CACNA1C: variants seen among roughly 807,000 people sequenced by gnomAD.
CACNA1C encodes the protein calcium voltage-gated channel subunit alpha1 C, also known as voltage-dependent L-type calcium channel subunit alpha-1C.
A neutral mutation model predicts 229.0 loss-of-function variants in CACNA1C; 30 were observed. The ratio of observed to expected loss-of-function variants is 0.13; its 90% CI spans 0.10 to 0.18. CACNA1C has a LOEUF of 0.18. CACNA1C is among the 10% of genes least tolerant of loss of function. The pLI is 1.00. For synonymous variants in CACNA1C, 1,114 were observed against 1,132.5 expected (o/e 0.98, Z 0.33); for missense variants, 1,658 against 2,845.0 (o/e 0.58, Z 9.49).
intron 3 of CACNA1C, among the ~76,000 whole-genome samples, chr12:2,139,562 G>A (rs1220147610): frequency 1.3e-5 from 2 of 151,098 alleles, no homozygotes; most frequent in Non-Finnish European, 3.0e-5. Context: ...AGGAAGGTGT[G>A]CTTCAGTGTG....
At chr12:2,674,750 G>GACTT (rs2096719099) in intron 39 of CACNA1C, 108 bp downstream of exon 39, 4 of 1,087,948 alleles carry the variant, frequency 3.7e-6, no homozygotes, top group Non-Finnish European at 5.3e-6. Context: ...CATCCCCTGA[G>GACTT]ACTTGCTTCT....
intron 9 of CACNA1C, among the ~76,000 whole-genome samples, chr12:2,521,449 A>G (rs1380246374): frequency 6.6e-6 from 1 of 152,202 alleles, no homozygotes; most frequent in African/African-American, 2.4e-5. Context: ...TTGAACTGCC[A>G]GGCACACTGG....
chr12:2,255,675 G>C (rs2154395081), intron 3 of CACNA1C, among the ~76,000 whole-genome samples: 2 of 152,342 alleles, frequency 1.3e-5, no homozygotes, highest in Middle Eastern at 6.8e-3. Context: ...TGGAAGGAAG[G>C]GCAGTGTTTA....
chr12:2,572,471 TC>T, intron 13 of CACNA1C, among the ~76,000 whole-genome samples: 1 of 65,920 alleles, frequency 1.5e-5, no homozygotes, highest in East Asian at 7.4e-4. Flanking sequence ...CTCCTCTTCC[TC>T]CTTCTCCTCT....
chr12:2,035,162 G>T (rs998841764), intron 1 of CACNA1C, among the ~76,000 whole-genome samples: 1 of 152,190 alleles, frequency 6.6e-6, no homozygotes. Context: ...GGCCCTCCGC[G>T]GGGCGCCGGC....
At chr12:2,119,828 A>C (rs533160403) in intron 2 of CACNA1C, among the ~76,000 whole-genome samples, 1 of 152,388 alleles carries the variant, frequency 6.6e-6, no homozygotes, top group Non-Finnish European at 1.5e-5. Context: ...TCTTAACCTT[A>C]GTTTAAAAGA....
intron 1 of CACNA1C, among the ~76,000 whole-genome samples, chr12:2,091,999 C>T (rs2071349630): frequency 6.6e-6 from 1 of 152,150 alleles, no homozygotes; most frequent in South Asian, 2.1e-4. Flanking sequence ...AGGTCCCTCT[C>T]GCTCTGCCAT....
rs115770100 is a variant in CACNA1C at position 2,435,438 on chromosome 12, T to C, written c.478-13538T>C. Among the ~76,000 whole-genome samples, 928 of 152,326 alleles carry C rather than the reference T, an allele frequency of 6.1e-3. 4 individuals are homozygous for C. The highest frequency in any genetic ancestry group is 0.021 in the African/African-American group (858 of 41,580). ...CCTGCCCTTTGTAACTGCAGTCCTT[T>C]GTCCCAGTGCTCTCAGGGTGGGCCC... On this transcript the variant is annotated intron_variant, in intron 3 of 46. Transcript: ENST00000399655.
intron 3 of CACNA1C, among the ~76,000 whole-genome samples, chr12:2,143,903 C>T (rs1230017631): frequency 6.6e-6 from 1 of 150,670 alleles, no homozygotes; most frequent in Admixed American, 6.7e-5. Flanking sequence ...CCTCTCTCCA[C>T]CTCACCCCAA....
intron 1 of CACNA1C, among the ~76,000 whole-genome samples, chr12:2,006,394 C>T (rs929753447): frequency 5.9e-5 from 9 of 151,618 alleles, no homozygotes; most frequent in African/African-American, 1.9e-4. Flanking sequence ...GGTGATAGAG[C>T]GAGACTCCAT....
chr12:2,672,801 T>G (rs1244341319), intron 38 of CACNA1C, among the ~76,000 whole-genome samples: 1 of 152,224 alleles, frequency 6.6e-6, no homozygotes, highest in Non-Finnish European at 1.5e-5. Context: ...GGGAGGACAC[T>G]ATTCAGCCCA....
intron 30 of CACNA1C, among the ~76,000 whole-genome samples, chr12:2,635,281 TC>T (rs1300490497): frequency 6.6e-6 from 1 of 152,192 alleles, no homozygotes; most frequent in Admixed American, 6.5e-5. Flanking sequence ...CCTATACAGT[TC>T]CTACCAGTTC....
intron 5 of CACNA1C, among the ~76,000 whole-genome samples, chr12:2,464,355 C>T (rs540152549): frequency 7.9e-5 from 12 of 152,112 alleles, no homozygotes; most frequent in East Asian, 3.9e-4. Flanking sequence ...AAGGACCATC[C>T]GGTTTTAGAT....
chr12:2,175,243 G>A (rs1368244902), intron 3 of CACNA1C, among the ~76,000 whole-genome samples: 3 of 152,110 alleles, frequency 2.0e-5, no homozygotes, highest in African/African-American at 7.2e-5. Context: ...TTGCCGGTTG[G>A]TTTGAATCAG....
intron 9 of CACNA1C, among the ~76,000 whole-genome samples, chr12:2,519,443 T>A (rs1016755986): frequency 7.2e-5 from 11 of 152,236 alleles, no homozygotes; most frequent in African/African-American, 2.7e-4. Flanking sequence ...CCTTGTGGCA[T>A]CACCGATGAC....
At chr12:2,686,553 T>G (rs2097508230) in intron 45 of CACNA1C, among the ~76,000 whole-genome samples, 1 of 152,226 alleles carries the variant, frequency 6.6e-6, no homozygotes, top group Admixed American at 6.5e-5. Flanking sequence ...ACCTGAGCTT[T>G]CTTCTTAGGC....
chr12:2,255,410 C>G (rs1326631636), intron 3 of CACNA1C, among the ~76,000 whole-genome samples: 1 of 152,196 alleles, frequency 6.6e-6, no homozygotes, highest in African/African-American at 2.4e-5. Context: ...GATCCAGGTC[C>G]ATTTACTAAT....
chr12:2,154,526 G>A (rs575285091), intron 3 of CACNA1C, among the ~76,000 whole-genome samples: 13 of 152,314 alleles, frequency 8.5e-5, no homozygotes, highest in African/African-American at 3.1e-4. Context: ...GTGGGTCAGG[G>A]AAGAGGCTGG....
intron 1 of CACNA1C, among the ~76,000 whole-genome samples, chr12:2,103,289 A>C (rs1463508741): frequency 6.6e-6 from 1 of 152,174 alleles, no homozygotes; most frequent in Non-Finnish European, 1.5e-5. Context: ...AACTGGCATG[A>C]GATGGTACCT....
Sources: gnomAD v4.1 joint callset for allele counts (sites outside exome capture counted in the v4.1 genomes callset) on GRCh38, gnomAD v4.1.1 for gene constraint, MANE v1.5 for transcripts, NCBI Gene and HGNC (gene_info 2026-07-23, HGNC 2026-07-21) for gene names.